CNTN5: variants seen among roughly 807,000 people sequenced by gnomAD.
CNTN5 encodes contactin-5.
A neutral mutation model predicts 129.1 loss-of-function variants in CNTN5; 77 were observed. That is an observed-to-expected ratio of 0.60 (90% confidence interval 0.50 to 0.72). The LOEUF is 0.72. Ranked by LOEUF, CNTN5 falls within the 30% of genes least tolerant of loss-of-function variation. The probability of loss-of-function intolerance (pLI) is 0.00; values close to 1 mark genes in which losing one functional copy is unlikely to be tolerated. For synonymous variants in CNTN5, 509 were observed against 465.6 expected, an observed-to-expected ratio of 1.09 and a Z score of -1.20; for missense variants, 1,478 against 1,328.8, an observed-to-expected ratio of 1.11 and a Z score of -1.75.
At chr11:100,063,870 C>A (rs531683894) in intron 10 of CNTN5, among the ~76,000 whole-genome samples, 8 of 152,104 alleles carry the variant, frequency 5.3e-5, no homozygotes, top group African/African-American at 1.7e-4. Flanking sequence ...CTGGGTTAGA[C>A]CCTGTCTTAA....
chr11:99,503,249 T>C (rs957581821), intron 2 of CNTN5, among the ~76,000 whole-genome samples: 3 of 152,184 alleles, frequency 2.0e-5, no homozygotes, highest in Non-Finnish European at 4.4e-5. Context: ...ATACACTAAT[T>C]ACTAGAATGT....
intron 3 of CNTN5, among the ~76,000 whole-genome samples, chr11:99,582,938 TC>T (rs1949661471): frequency 6.6e-6 from 1 of 152,218 alleles, no homozygotes; most frequent in Non-Finnish European, 1.5e-5. Context: ...CTTTGTTTTT[TC>T]CCCATCTTTG....
At chr11:99,706,473 A>G (rs1565445802) in intron 3 of CNTN5, among the ~76,000 whole-genome samples, 1 of 151,530 alleles carries the variant, frequency 6.6e-6, no homozygotes, top group South Asian at 2.1e-4. Context: ...TGGCAGATAT[A>G]TCAGCATTTG....
At chr11:100,169,138 G>C (rs1358443093) in intron 13 of CNTN5, among the ~76,000 whole-genome samples, 3 of 151,984 alleles carry the variant, frequency 2.0e-5, no homozygotes, top group Non-Finnish European at 4.4e-5. Flanking sequence ...TCCTGGTGAA[G>C]ATGCTATGAA....
chr11:100,127,651 CTTTTTTTT>C (rs66468227), intron 13 of CNTN5, among the ~76,000 whole-genome samples: 2 of 81,278 alleles, frequency 2.5e-5, no homozygotes. Flanking sequence ...TTCTTTCTTT[CTTTTTTTT>C]TTTTTTTTTT....
At chr11:100,033,988 C>G (rs1328035943) in intron 9 of CNTN5, among the ~76,000 whole-genome samples, 3 of 152,222 alleles carry the variant, frequency 2.0e-5, no homozygotes, top group Non-Finnish European at 4.4e-5. Context: ...ACATTTCTAT[C>G]TCTAATGCAA....
At chr11:99,655,425 A>G (rs920747576) in intron 3 of CNTN5, among the ~76,000 whole-genome samples, 4 of 152,160 alleles carry the variant, frequency 2.6e-5, no homozygotes, top group East Asian at 1.9e-4. Flanking sequence ...TTCCAGTTCT[A>G]TAGCTTAAAA....
At chr11:100,084,097 T>C (rs1944462275) in intron 13 of CNTN5, among the ~76,000 whole-genome samples, 1 of 152,180 alleles carries the variant, frequency 6.6e-6, no homozygotes, top group South Asian at 2.1e-4. Flanking sequence ...AAACAGTTTA[T>C]GAATTCTACT....
At chr11:100,052,611 G>A (rs1339455492) in intron 9 of CNTN5, among the ~76,000 whole-genome samples, 2 of 151,792 alleles carry the variant, frequency 1.3e-5, no homozygotes, top group East Asian at 1.9e-4. Context: ...AGACTCAATA[G>A]TGTTCAGAAG....
In CNTN5 at chr11:99,810,674, C is replaced by T. The variant is rs180843989; in HGVS notation, c.56-8870C>T. ...TAACCATTTCTAAATATTCTCCACACGACTGGCTTTGCTGAGGTGTTTCAT... is the reference window on the plus strand; with the variant it reads ...TAACCATTTCTAAATATTCTCCACATGACTGGCTTTGCTGAGGTGTTTCAT... On this transcript the variant is annotated intron_variant, in intron 3 of 24. Transcript: ENST00000524871. Among the ~76,000 whole-genome samples the T allele has an allele frequency of 3.2e-4, 48 of 152,248 alleles. No homozygotes were observed. In the East Asian group the frequency reaches 4.4e-3, roughly 14 times the overall value.
intron 3 of CNTN5, among the ~76,000 whole-genome samples, chr11:99,610,429 A>G (rs1458203977): frequency 6.6e-6 from 1 of 152,150 alleles, no homozygotes; most frequent in African/African-American, 2.4e-5. Context: ...TGGGATCCAA[A>G]TGATGAATTT....
chr11:99,675,346 C>T (rs1460737704), intron 3 of CNTN5, among the ~76,000 whole-genome samples: 1 of 151,886 alleles, frequency 6.6e-6, no homozygotes, highest in Non-Finnish European at 1.5e-5. Context: ...GTGGGAGGGG[C>T]CCAGTGTTAT....
chr11:99,104,645 T>TG (rs1491283476), intron 1 of CNTN5, among the ~76,000 whole-genome samples: 1 of 151,010 alleles, frequency 6.6e-6, no homozygotes, highest in African/African-American at 2.4e-5. Flanking sequence ...CACACACGTG[T>TG]ATATATATAT....
chr11:99,846,080 C>A (rs1371164362), intron 6 of CNTN5, among the ~76,000 whole-genome samples: 5 of 150,034 alleles, frequency 3.3e-5, no homozygotes, highest in South Asian at 2.1e-4. Context: ...CCTAGATGTC[C>A]CAGTTTTCGT....
chr11:99,508,236 G>A (rs2135402785), intron 2 of CNTN5, among the ~76,000 whole-genome samples: 1 of 152,238 alleles, frequency 6.6e-6, no homozygotes, highest in African/African-American at 2.4e-5. Context: ...TGCCTCATAA[G>A]CTTTCTGAGT....
intron 2 of CNTN5, among the ~76,000 whole-genome samples, chr11:99,521,039 A>T (rs370757998): frequency 6.6e-6 from 1 of 152,132 alleles, no homozygotes. Context: ...CAAAGATTAT[A>T]TGATTAAAAT....
chr11:99,958,048 A>G (rs1387360449), intron 8 of CNTN5, among the ~76,000 whole-genome samples: 1 of 152,074 alleles, frequency 6.6e-6, no homozygotes, highest in Non-Finnish European at 1.5e-5. Context: ...TAAAGGGTAA[A>G]AATGTAATAT....
chr11:100,357,896 C>G lies in CNTN5; in HGVS notation c.*1676C>G, dbSNP rs1952560805. ...GGGAAATGATGTAAGACACCCTAAA[C>G]AAACAAGAAATTAGTTAAAAGACTC... On this transcript the variant is annotated 3_prime_UTR_variant, in exon 25 of 25. Coordinates refer to ENST00000524871, the MANE Select transcript of CNTN5 (RefSeq NM_014361.4). The G allele has an allele frequency of 1.3e-5, 2 of 151,702 alleles. No homozygotes were observed. Among genetic ancestry groups the G allele is most frequent in the Admixed American group, 1.3e-4 (2 of 15,178 alleles). 9.4% of individuals were successfully genotyped at this position (151,702 alleles called of 1,614,324 possible). A position where few individuals can be genotyped will look rare whatever the true frequency, so the allele number is the denominator to read the frequency against.
chr11:99,155,656 T>TAA (rs538026440), intron 1 of CNTN5, among the ~76,000 whole-genome samples: 2 of 146,674 alleles, frequency 1.4e-5, no homozygotes, highest in Non-Finnish European at 3.0e-5. Context: ...TCATTTAACT[T>TAA]AAAAAAAAAA....
Sources: allele counts gnomAD v4.1 joint callset (sites outside exome capture counted in the v4.1 genomes callset), GRCh38; gene constraint gnomAD v4.1.1; transcripts MANE v1.5; gene names NCBI Gene and HGNC (gene_info 2026-07-23, HGNC 2026-07-21).